The following SHANK2 variants were observed in gnomAD, a reference collection of about 807,000 sequenced individuals.
SHANK2 encodes the protein SH3 and multiple ankyrin repeat domains 2.
In SHANK2, 43 loss-of-function variants were observed where a neutral mutation model predicts 133.7. That is an observed-to-expected ratio of 0.32 (90% CI 0.25 to 0.41). The LOEUF is 0.41. Ranked by LOEUF, SHANK2 falls within the 10% of genes least tolerant of loss-of-function variation. SHANK2 has a pLI of 1.00. For missense variants in SHANK2, 1,994 were observed against 2,235.8 expected, an observed-to-expected ratio of 0.89 and a Z score of 2.18; for synonymous variants, 1,017 against 952.8, an observed-to-expected ratio of 1.07 and a Z score of -1.24.
At position 71,101,462 on chromosome 11, in the gene SHANK2, C is replaced by T. The variant is rs187460766; in HGVS notation, c.593-6774G>A. Among the ~76,000 whole-genome samples the T allele has an allele frequency of 2.2e-4, 33 of 152,328 alleles. No homozygotes were observed. In the East Asian group the frequency reaches 5.6e-3, roughly 26 times the overall value. On this transcript the variant is annotated intron_variant, in intron 6 of 25. Coordinates refer to ENST00000601538, the MANE Select transcript of SHANK2 (RefSeq NM_012309.5). ...TTTATGAGAAACTGTACTGAACAAA[C>T]CAAAGGCACTGGTAGCAAAGGGAGT...
intron 17 of SHANK2, among the ~76,000 whole-genome samples, chr11:70,593,562 T>C (rs546280580): frequency 2.0e-5 from 3 of 152,164 alleles, no homozygotes; most frequent in Non-Finnish European, 2.9e-5. Context: ...TGTCAGAAAA[T>C]ACTAGAGTGG....
chr11:71,074,231 G>A (rs1951189137), intron 9 of SHANK2, among the ~76,000 whole-genome samples: 1 of 152,230 alleles, frequency 6.6e-6, no homozygotes, highest in Non-Finnish European at 1.5e-5. Context: ...GCGTGCCACT[G>A]CAGCGTGTGA....
At chr11:71,162,701 T>C (rs2135469162) in intron 2 of SHANK2, among the ~76,000 whole-genome samples, 1 of 152,270 alleles carries the variant, frequency 6.6e-6, no homozygotes, top group South Asian at 2.1e-4. Context: ...CACCTATCTA[T>C]AGCCCAACTT....
intron 25 of SHANK2, among the ~76,000 whole-genome samples, chr11:70,477,925 G>T (rs557184422): frequency 6.6e-6 from 1 of 152,130 alleles, no homozygotes; most frequent in Admixed American, 6.6e-5. Flanking sequence ...TTCCCAGTCG[G>T]AACACACAGG....
At chr11:70,808,042 G>A (rs924374523) in intron 12 of SHANK2, among the ~76,000 whole-genome samples, 1 of 152,150 alleles carries the variant, frequency 6.6e-6, no homozygotes, top group East Asian at 1.9e-4. Flanking sequence ...AATGGGGACA[G>A]AGTTTTGGTT....
At chr11:70,620,513 C>T (rs577913661) in intron 17 of SHANK2, among the ~76,000 whole-genome samples, 7 of 152,250 alleles carry the variant, frequency 4.6e-5, no homozygotes, top group South Asian at 2.1e-4. Context: ...CTGCCTGCCC[C>T]GCCTGGTCTC....
intron 3 of SHANK2, among the ~76,000 whole-genome samples, chr11:71,129,472 AC>A (rs1276412965): frequency 3.3e-5 from 5 of 152,198 alleles, no homozygotes; most frequent in Non-Finnish European, 5.9e-5. Flanking sequence ...AACCGTCTCT[AC>A]GAAAAATGAA....
At position 70,692,780 on chromosome 11, in the gene SHANK2, G is replaced by A. The variant is rs185932256; in HGVS notation, c.1853+5908C>T. ...AAAAATTGGGCTGTGAGGCTCGAAAGCCATGAAAATAGGGAGCTGTGGACA... is the reference window on the plus strand; with the variant it reads ...AAAAATTGGGCTGTGAGGCTCGAAAACCATGAAAATAGGGAGCTGTGGACA... On this transcript the variant is annotated intron_variant, in intron 15 of 25. Coordinates refer to ENST00000601538, the MANE Select transcript of SHANK2 (RefSeq NM_012309.5). Among the ~76,000 whole-genome samples the A allele has an allele frequency of 2.3e-3, 354 of 152,350 alleles. 2 individuals are homozygous for A. The highest frequency in any genetic ancestry group is 3.6e-3 in the Non-Finnish European group (243 of 68,030).
At chr11:70,910,901 T>C in intron 10 of SHANK2, 2 of 383,500 alleles carry the variant, frequency 5.2e-6, no homozygotes, top group Non-Finnish European at 1.1e-5. Context: ...TGGTGGTGCG[T>C]GTGTGTGTGT....
At chr11:70,603,890 G>A (rs1381685362) in intron 17 of SHANK2, 2 of 152,724 alleles carry the variant, frequency 1.3e-5, no homozygotes, top group Non-Finnish European at 2.9e-5. Context: ...TGAGCAGATG[G>A]TGCTTGGCAC....
intron 2 of SHANK2, among the ~76,000 whole-genome samples, chr11:71,167,758 C>T: frequency 7.3e-6 from 1 of 137,468 alleles, no homozygotes; most frequent in South Asian, 2.4e-4. Context: ...CAGAGGCGTC[C>T]CTCACCTCCC....
At chr11:71,147,447 G>T in intron 2 of SHANK2, 109 bp from the exon 3 acceptor site, 1 of 816,190 alleles carries the variant, frequency 1.2e-6, no homozygotes, top group Non-Finnish European at 1.7e-6. Flanking sequence ...CGGTTTCACA[G>T]TCTGTGTTTG....
At chr11:70,672,685 T>G (rs1837462681) in intron 15 of SHANK2, among the ~76,000 whole-genome samples, 1 of 152,246 alleles carries the variant, frequency 6.6e-6, no homozygotes, top group African/African-American at 2.4e-5. Context: ...CTTTGCTTTC[T>G]TCTGGCCAGT....
intron 11 of SHANK2, among the ~76,000 whole-genome samples, chr11:70,874,890 C>A (rs1949532271): frequency 6.6e-6 from 1 of 152,134 alleles, no homozygotes; most frequent in African/African-American, 2.4e-5. Flanking sequence ...GGAGACCAGG[C>A]CATTCCGGAC....
chr11:71,245,014 T>G (rs1487924494), intron 1 of SHANK2, among the ~76,000 whole-genome samples: 1 of 151,912 alleles, frequency 6.6e-6, no homozygotes, highest in African/African-American at 2.4e-5. Flanking sequence ...TTTTCCTCAC[T>G]CTGTCACCCA....
rs1172807204 is a variant in SHANK2, at chr11:71,133,346, A to ATGGATGGCTGGCTGGC, written c.207+13773_207+13774insGCCAGCCAGCCATCCA. On this transcript the variant is annotated intron_variant, in intron 3 of 25. Transcript: ENST00000601538. ...GGTAGGTGGGTGGCTGGGAGGATGC[A>ATGGATGGCTGGCTGGC]TGGCTGGCTGGCTGGCTGGCTGGGT... Among the ~76,000 whole-genome samples, 47 of 111,958 alleles carry ATGGATGGCTGGCTGGC rather than the reference A, an allele frequency of 4.2e-4. 1 individual carries two copies. The highest frequency in any genetic ancestry group is 1.9e-3 in the East Asian group (7 of 3,620). The allele number at this position is 111,958 out of a possible 152,430, so 73.4% of individuals were successfully genotyped here. A position where few individuals can be genotyped will look rare whatever the true frequency, so the allele number is the denominator to read the frequency against.
intron 21 of SHANK2, among the ~76,000 whole-genome samples, chr11:70,498,456 G>T (rs1187346550): frequency 6.6e-6 from 1 of 152,224 alleles, no homozygotes; most frequent in South Asian, 2.1e-4. Context: ...GAGTCTGAAG[G>T]TACAGCCATA....
chr11:71,230,885 A>T (rs565332356), intron 1 of SHANK2, among the ~76,000 whole-genome samples: 220 of 152,240 alleles, frequency 1.4e-3, no homozygotes, highest in Non-Finnish European at 2.1e-3. Flanking sequence ...AACAATGAAC[A>T]TCAACCTAAG....
At chr11:70,839,377 C>T (rs1948869320) in intron 11 of SHANK2, among the ~76,000 whole-genome samples, 7 of 152,202 alleles carry the variant, frequency 4.6e-5, no homozygotes, top group Admixed American at 3.9e-4. Context: ...CTCCACAGCC[C>T]GTGGTATCCG....
Sources: gnomAD v4.1 joint callset for allele counts (sites outside exome capture counted in the v4.1 genomes callset) on GRCh38, gnomAD v4.1.1 for gene constraint, MANE v1.5 for transcripts, NCBI Gene and HGNC (gene_info 2026-07-23, HGNC 2026-07-21) for gene names.